STK33: variants seen among roughly 807,000 people sequenced by gnomAD.
STK33 encodes serine/threonine-protein kinase 33.
Under a neutral mutation model 58.0 loss-of-function variants are expected in STK33, and 52 were observed. The ratio of observed to expected loss-of-function variants is 0.90; its 90% CI spans 0.72 to 1.13. STK33 has a LOEUF of 1.13. STK33 is among the 50% of genes most tolerant of loss of function. STK33 has a pLI of 0.00. For synonymous variants in STK33, 215 were observed against 200.1 expected, an observed-to-expected ratio of 1.07 and a Z score of -0.63; for missense variants, 630 against 604.2, an observed-to-expected ratio of 1.04 and a Z score of -0.45.
intron 1 of STK33, among the ~76,000 whole-genome samples, chr11:8,572,952 CT>C (rs972609263): frequency 9.4e-4 from 142 of 151,094 alleles, no homozygotes; most frequent in Admixed American, 2.0e-3. Context: ...ATTCTTAATA[CT>C]TTTTTTTTCT....
the STK33 span, among the ~76,000 whole-genome samples, chr11:8,344,113 G>T: frequency 2.6e-5 from 4 of 152,056 alleles, no homozygotes; most frequent in Admixed American, 2.0e-4. Context: ...CACTCTGGGA[G>T]GCCAAGGTGA....
chr11:8,440,653 AGT>A (rs1944624420), intron 12 of STK33, 23 bp downstream of exon 12: 3 of 1,543,268 alleles, frequency 1.9e-6, no homozygotes, highest in Non-Finnish European at 2.6e-6. Context: ...CTCATCTTAA[AGT>A]GTACATTTAG....
chr11:8,402,383 C>T (rs1564861799), intron 15 of STK33, among the ~76,000 whole-genome samples: 2 of 151,920 alleles, frequency 1.3e-5, no homozygotes, highest in South Asian at 2.1e-4. Context: ...CCAAACACCA[C>T]GTGTTCTCAC....
At chr11:8,351,788 G>A in the STK33 span, among the ~76,000 whole-genome samples, 10 of 152,096 alleles carry the variant, frequency 6.6e-5, no homozygotes, top group Admixed American at 5.2e-4. Context: ...CCTCGGCCTC[G>A]CACTCCTGGC....
intron 2 of STK33, among the ~76,000 whole-genome samples, chr11:8,478,925 A>G (rs180783555): frequency 9.7e-4 from 148 of 152,332 alleles, no homozygotes; most frequent in African/African-American, 3.5e-3. Flanking sequence ...CATGATTAGG[A>G]AAATGAGTCT....
chr11:8,434,015 G>C (rs1195647742), intron 14 of STK33: 1 of 153,080 alleles, frequency 6.5e-6, no homozygotes, highest in Non-Finnish European at 1.5e-5. Flanking sequence ...ATGAGGCCAA[G>C]AGATCGAGAC....
chr11:8,369,683 A>G, the STK33 span, among the ~76,000 whole-genome samples: 94,458 of 151,932 alleles, frequency 0.62, 29,766 homozygotes, highest in African/African-American at 0.71. Flanking sequence ...AGCAGGCCTG[A>G]TCTCTCTTCC....
At chr11:8,430,524 A>C (rs565687826) in intron 14 of STK33, among the ~76,000 whole-genome samples, 92 of 152,160 alleles carry the variant, frequency 6.0e-4, no homozygotes, top group Admixed American at 3.1e-3. Flanking sequence ...ATAATAATAA[A>C]TCTCATAAAG....
intron 6 of STK33, among the ~76,000 whole-genome samples, chr11:8,468,226 A>C (rs1948414649): frequency 6.6e-6 from 1 of 152,164 alleles, no homozygotes; most frequent in South Asian, 2.1e-4. Context: ...TAAAACCATC[A>C]CATCCTATGA....
rs1412694995 is a variant in STK33 at position 8,440,690 on chromosome 11, A to G, written c.935T>C (p.Val312Ala). Residue 312 changes from valine (V) to alanine (A), a missense_variant, in exon 12 of 16, where the codon GTA (valine) becomes GCA (alanine). Coordinates refer to ENST00000687296, the MANE Select transcript of STK33 (RefSeq NM_001352389.2). ...GCAGGCTACTTACAACATGTACATTACGACGCCTATGCTCCAAATGTCACA... is the reference window on the plus strand; with the variant it reads ...GCAGGCTACTTACAACATGTACATTGCGACGCCTATGCTCCAAATGTCACA... ...QQCDIWSIGV[V>A]MYMLLRGEPP... 1.9e-6 allele frequency: 3 copies of G among 1,565,448 alleles called. No individual in the cohort carries two copies. Among genetic ancestry groups the G allele is most frequent in the Non-Finnish European group, 2.6e-6 (3 of 1,152,884 alleles).
intron 1 of STK33, among the ~76,000 whole-genome samples, chr11:8,537,211 C>T (rs1489434842): frequency 6.6e-6 from 1 of 151,610 alleles, no homozygotes; most frequent in Non-Finnish European, 1.5e-5. Flanking sequence ...AACTCCTGAC[C>T]TCAGGTGATC....
At chr11:8,444,172 T>G (rs932702427) in intron 11 of STK33, among the ~76,000 whole-genome samples, 3 of 152,194 alleles carry the variant, frequency 2.0e-5, no homozygotes, top group Non-Finnish European at 4.4e-5. Flanking sequence ...TTAACTGTCC[T>G]AACCACTAAC....
intron 1 of STK33, among the ~76,000 whole-genome samples, chr11:8,524,288 C>T (rs922773316): frequency 3.3e-5 from 5 of 151,670 alleles, no homozygotes; most frequent in African/African-American, 9.7e-5. Flanking sequence ...TCCCCCTCTC[C>T]GAGAAACACC....
chr11:8,471,726 C>G (rs959669503), intron 6 of STK33, among the ~76,000 whole-genome samples: 50 of 151,680 alleles, frequency 3.3e-4, no homozygotes, highest in South Asian at 1.9e-3. Context: ...TTTGAAATAT[C>G]CTCTAATTTA....
intron 8 of STK33, among the ~76,000 whole-genome samples, chr11:8,460,325 T>C (rs140607503): frequency 9.9e-4 from 150 of 152,140 alleles, no homozygotes; most frequent in African/African-American, 3.5e-3. Context: ...AAAACAGTTA[T>C]TATAACTCTA....
At chr11:8,352,867 C>G in the STK33 span, among the ~76,000 whole-genome samples, 14 of 152,128 alleles carry the variant, frequency 9.2e-5, no homozygotes, top group African/African-American at 3.1e-4. Flanking sequence ...TGCCAGGGAC[C>G]CAGGAATGCC....
At chr11:8,378,372 G>C in the STK33 span, among the ~76,000 whole-genome samples, 16,552 of 152,144 alleles carry the variant, frequency 0.11, 1,024 homozygotes, top group African/African-American at 0.15. Flanking sequence ...CACAAAATTA[G>C]CTGGGCATGG....
At chr11:8,366,604 G>T in the STK33 span, among the ~76,000 whole-genome samples, 22 of 152,294 alleles carry the variant, frequency 1.4e-4, no homozygotes, top group Non-Finnish European at 2.8e-4. Flanking sequence ...TCTGTGCTCT[G>T]CGAGGAATCC....
intron 15 of STK33, among the ~76,000 whole-genome samples, chr11:8,407,462 G>A (rs1939444957): frequency 1.3e-5 from 2 of 151,942 alleles, no homozygotes; most frequent in Admixed American, 1.3e-4. Flanking sequence ...AATCATTTGG[G>A]AATAAAGTTT....
Sources: gnomAD v4.1 joint callset for allele counts (sites outside exome capture counted in the v4.1 genomes callset) on GRCh38, gnomAD v4.1.1 for gene constraint, MANE v1.5 for transcripts, NCBI Gene and HGNC (gene_info 2026-07-23, HGNC 2026-07-21) for gene names.